Variants in GABRB1 observed in about 807,000 individuals in gnomAD.
GABRB1 encodes the protein gamma-aminobutyric acid receptor subunit beta-1.
Under a neutral mutation model 51.6 loss-of-function variants are expected in GABRB1, and 17 were observed. The observed-to-expected ratio is 0.33, with a 90% CI of 0.23 to 0.49. The LOEUF (loss-of-function observed/expected upper bound fraction) is 0.49, where lower values mean the gene tolerates loss of function less well. Among genes scored for constraint, GABRB1 ranks in the 20% least tolerant of loss-of-function variants. The probability of loss-of-function intolerance (pLI) is 0.99; values close to 1 mark genes in which losing one functional copy is unlikely to be tolerated. For missense variants in GABRB1, 410 were observed against 600.6 expected (o/e 0.68, Z 3.32); for synonymous variants, 247 against 218.9 (o/e 1.13, Z -1.14).
intron 5 of GABRB1, among the ~76,000 whole-genome samples, chr4:47,376,791 A>G (rs992045487): frequency 6.6e-6 from 1 of 152,200 alleles, no homozygotes; most frequent in South Asian, 2.1e-4. Flanking sequence ...GTAATGTTCT[A>G]CTTCCAGCCT....
At chr4:47,056,524 C>T (rs1032931639) in intron 3 of GABRB1, among the ~76,000 whole-genome samples, 3 of 152,040 alleles carry the variant, frequency 2.0e-5, no homozygotes, top group African/African-American at 7.2e-5. Context: ...TTTTTCTCTA[C>T]CTTAATCATC....
chr4:47,064,641 C>CAAAAAAAAAA (rs33963952), intron 3 of GABRB1, among the ~76,000 whole-genome samples: 1 of 58,230 alleles, frequency 1.7e-5, no homozygotes, highest in Non-Finnish European at 3.1e-5. Flanking sequence ...GACTCCATCT[C>CAAAAAAAAAA]AAAAAAAAAA....
intron 5 of GABRB1, among the ~76,000 whole-genome samples, chr4:47,368,374 C>G (rs73136031): frequency 1.3e-5 from 2 of 152,244 alleles, no homozygotes; most frequent in Non-Finnish European, 2.9e-5. Context: ...AATCCCTCCC[C>G]ATCACCACCT....
chr4:47,290,664 C>T (rs1723693504), intron 4 of GABRB1, among the ~76,000 whole-genome samples: 1 of 152,054 alleles, frequency 6.6e-6, no homozygotes, highest in Non-Finnish European at 1.5e-5. Flanking sequence ...GAGGTGATGT[C>T]AGAAGGAGAT....
chr4:47,099,407 A>G (rs923490358), intron 3 of GABRB1, among the ~76,000 whole-genome samples: 2 of 152,122 alleles, frequency 1.3e-5, no homozygotes, highest in Admixed American at 1.3e-4. Context: ...TCTGGCACAC[A>G]TAACTTATGA....
intron 4 of GABRB1, among the ~76,000 whole-genome samples, chr4:47,246,466 G>A (rs542480438): frequency 7.1e-6 from 1 of 141,084 alleles, no homozygotes; most frequent in East Asian, 2.1e-4. Context: ...TTTTGCAATT[G>A]TGAATTGTGC....
At chr4:47,360,851 T>C (rs1200324428) in intron 5 of GABRB1, among the ~76,000 whole-genome samples, 1 of 152,084 alleles carries the variant, frequency 6.6e-6, no homozygotes, top group Non-Finnish European at 1.5e-5. Flanking sequence ...ATTCAAGTTG[T>C]GGTCAGAAAT....
At chr4:47,333,255 G>T (rs1725568463) in intron 5 of GABRB1, among the ~76,000 whole-genome samples, 1 of 138,230 alleles carries the variant, frequency 7.2e-6, no homozygotes, top group Non-Finnish European at 1.5e-5. Context: ...GTATTAATAT[G>T]AATGTGACCA....
chr4:47,350,242 G>GAGAGAGAGAC (rs1240249762), intron 5 of GABRB1, among the ~76,000 whole-genome samples: 1 of 143,660 alleles, frequency 7.0e-6, no homozygotes, highest in African/African-American at 2.6e-5. Flanking sequence ...GAGAGAGAGA[G>GAGAGAGAGAC]AGGTTTTAAG....
intron 1 of GABRB1, among the ~76,000 whole-genome samples, chr4:47,023,145 T>A (rs905602209): frequency 8.6e-5 from 13 of 151,814 alleles, no homozygotes; most frequent in African/African-American, 2.9e-4. Context: ...CTCATGGACA[T>A]AGAGAGTAGA....
intron 4 of GABRB1, among the ~76,000 whole-genome samples, chr4:47,294,887 C>T (rs1314149763): frequency 6.6e-6 from 1 of 152,150 alleles, no homozygotes; most frequent in Non-Finnish European, 1.5e-5. Context: ...CCTCACACGG[C>T]CGGGTACTCC....
chr4:47,102,636 G>T (rs1203813633), intron 3 of GABRB1, among the ~76,000 whole-genome samples: 2 of 151,900 alleles, frequency 1.3e-5, no homozygotes, highest in Non-Finnish European at 2.9e-5. Flanking sequence ...AAAAATCCAG[G>T]GATGAGCAAG....
At chr4:47,276,772 A>G (rs149939563) in intron 4 of GABRB1, among the ~76,000 whole-genome samples, 3 of 152,238 alleles carry the variant, frequency 2.0e-5, no homozygotes, top group African/African-American at 4.8e-5. Flanking sequence ...GTTCTATACG[A>G]CTACCTGTAC....
At chr4:47,023,188 G>A (rs1186151380) in intron 1 of GABRB1, among the ~76,000 whole-genome samples, 2 of 151,974 alleles carry the variant, frequency 1.3e-5, no homozygotes, top group Non-Finnish European at 2.9e-5. Flanking sequence ...AAGAGTAGTG[G>A]GGGGCCTGAG....
chr4:47,229,057 C>A (rs532673195), intron 4 of GABRB1, among the ~76,000 whole-genome samples: 1 of 152,144 alleles, frequency 6.6e-6, no homozygotes, highest in African/African-American at 2.4e-5. Context: ...GAAACTAACA[C>A]TTATGTGAAA....
At chr4:47,213,662 T>C (rs1166414316) in intron 4 of GABRB1, among the ~76,000 whole-genome samples, 1 of 151,974 alleles carries the variant, frequency 6.6e-6, no homozygotes, top group Non-Finnish European at 1.5e-5. Flanking sequence ...TCATGGTAGG[T>C]TTTGGAGGAG....
chr4:47,190,010 A>T (rs988032668), intron 4 of GABRB1, among the ~76,000 whole-genome samples: 3 of 152,040 alleles, frequency 2.0e-5, no homozygotes, highest in African/African-American at 7.2e-5. Flanking sequence ...AAAGATTTGG[A>T]AACTGCAGAG....
intron 4 of GABRB1, among the ~76,000 whole-genome samples, chr4:47,299,263 T>C (rs1724145141): frequency 6.6e-6 from 1 of 151,936 alleles, no homozygotes; most frequent in Non-Finnish European, 1.5e-5. Flanking sequence ...CTAAAGAGCT[T>C]CTGCACAGCA....
intron 1 of GABRB1, among the ~76,000 whole-genome samples, chr4:47,001,228 C>T (rs13136474): frequency 0.56 from 84,644 of 151,826 alleles, 24,197 homozygotes; most frequent in Non-Finnish European, 0.61. Flanking sequence ...CTGCAAGCTC[C>T]GCCTCCCGGG....
Sources: allele counts gnomAD v4.1 joint callset (sites outside exome capture counted in the v4.1 genomes callset), GRCh38; gene constraint gnomAD v4.1.1; transcripts MANE v1.5; gene names NCBI Gene and HGNC (gene_info 2026-07-23, HGNC 2026-07-21).